Variants in SAMD3 observed in about 807,000 individuals in gnomAD.
The protein encoded by SAMD3 is sterile alpha motif domain-containing protein 3.
In SAMD3, 63 loss-of-function variants were observed where a neutral mutation model predicts 58.5. That is an observed-to-expected ratio of 1.08 (90% CI 0.88 to 1.33). The LOEUF (loss-of-function observed/expected upper bound fraction) is 1.33, where lower values mean the gene tolerates loss of function less well. Ranked by LOEUF, SAMD3 falls within the 40% of genes most tolerant of loss-of-function variation. SAMD3 has a pLI of 0.00. For missense variants in SAMD3, 604 were observed against 608.4 expected, an observed-to-expected ratio of 0.99 and a Z score of 0.08; for synonymous variants, 220 against 210.3, an observed-to-expected ratio of 1.05 and a Z score of -0.40.
chr6:130,290,345 T>A (rs1583057208), intron 2 of SAMD3, among the ~76,000 whole-genome samples: 1 of 152,228 alleles, frequency 6.6e-6, no homozygotes, highest in Non-Finnish European at 1.5e-5. Context: ...TATGTTACAC[T>A]CTTGAGTTAG....
intron 1 of SAMD3, among the ~76,000 whole-genome samples, chr6:130,322,664 T>A (rs139225270): frequency 6.6e-6 from 1 of 152,020 alleles, no homozygotes; most frequent in Non-Finnish European, 1.5e-5. Flanking sequence ...CCAAAGCAAA[T>A]GGTTCAATGG....
chr6:130,280,776 T>C (rs1774954351), intron 2 of SAMD3, among the ~76,000 whole-genome samples: 1 of 152,212 alleles, frequency 6.6e-6, no homozygotes, highest in Admixed American at 6.5e-5. Flanking sequence ...GCCTTCCCTC[T>C]TTATTTTCAT....
intron 2 of SAMD3, among the ~76,000 whole-genome samples, chr6:130,259,861 A>G (rs568887131): frequency 1.6e-4 from 24 of 152,300 alleles, no homozygotes; most frequent in African/African-American, 5.5e-4. Context: ...CATTAACTTA[A>G]TCCACTGAAA....
intron 3 of SAMD3, 133 bp downstream of exon 3, chr6:130,215,062 T>C (rs1795911349): frequency 2.0e-6 from 1 of 504,554 alleles, no homozygotes; most frequent in African/African-American, 2.0e-5. Context: ...TGAAAAGTTC[T>C]CTACTGCAGC....
intron 1 of SAMD3, among the ~76,000 whole-genome samples, chr6:130,361,409 A>C (rs994104613): frequency 6.6e-6 from 1 of 152,184 alleles, no homozygotes; most frequent in Admixed American, 6.5e-5. Context: ...AGCACGATTT[A>C]AACTGCATTA....
chr6:130,281,604 T>C (rs1774984011), intron 2 of SAMD3, among the ~76,000 whole-genome samples: 1 of 152,064 alleles, frequency 6.6e-6, no homozygotes. Flanking sequence ...GGATAAAATA[T>C]AAGCTTCTTA....
chr6:130,214,859 T>C (rs1165348457), intron 3 of SAMD3, among the ~76,000 whole-genome samples: 1 of 152,204 alleles, frequency 6.6e-6, no homozygotes, highest in Non-Finnish European at 1.5e-5. Flanking sequence ...TCCTAGCCAG[T>C]ATTCAACTTT....
chr6:130,300,400 A>T (rs1271339623), intron 2 of SAMD3, among the ~76,000 whole-genome samples: 2 of 152,152 alleles, frequency 1.3e-5, no homozygotes, highest in Non-Finnish European at 2.9e-5. Context: ...TGATAAAAAA[A>T]TCCAATGTCT....
In SAMD3 at chr6:130,184,177, T is replaced by A. The variant is rs1401277284; in HGVS notation, c.580A>T (p.Thr194Ser). The A allele has an allele frequency of 1.2e-6, 2 of 1,609,702 alleles. No homozygotes were observed. The highest frequency in any genetic ancestry group is 1.7e-6 in the Non-Finnish European group (2 of 1,177,202). ...TTAACCACGTCATTGTACTGCTGGG[T>A]GCTGGGGTACCTGTTCACCAAAACA... ...KYLEGSLYPS[T>S]QQYNDVVNAL... Residue 194 changes from threonine to serine, a missense_variant, in exon 7 of 12, where the codon ACC becomes TCC. Transcript: ENST00000439090.
intron 1 of SAMD3, among the ~76,000 whole-genome samples, chr6:130,316,772 A>T (rs953693909): frequency 6.6e-6 from 1 of 152,184 alleles, no homozygotes; most frequent in African/African-American, 2.4e-5. Flanking sequence ...TCATAATGGG[A>T]TCAAATAAAA....
At chr6:130,212,780 T>A (rs1020312229) in intron 4 of SAMD3, among the ~76,000 whole-genome samples, 6 of 152,172 alleles carry the variant, frequency 3.9e-5, no homozygotes, top group African/African-American at 1.4e-4. Context: ...AATTTCAAGA[T>A]TCCACTCAAT....
intron 1 of SAMD3, among the ~76,000 whole-genome samples, chr6:130,359,983 G>A (rs1053238763): frequency 6.6e-6 from 1 of 152,186 alleles, no homozygotes; most frequent in African/African-American, 2.4e-5. Context: ...CTGTCATTCT[G>A]TGGTTATGTG....
At chr6:130,224,670 G>A (rs1796338249), upstream of SAMD3, among the ~76,000 whole-genome samples, 1 of 151,338 alleles carries the variant, frequency 6.6e-6, no homozygotes, top group Non-Finnish European at 1.5e-5. Context: ...CCAGGCTGGA[G>A]TGTAATGGCA....
At chr6:130,364,294 C>T (rs946955927) in intron 1 of SAMD3, among the ~76,000 whole-genome samples, 14 of 151,928 alleles carry the variant, frequency 9.2e-5, no homozygotes, top group African/African-American at 2.2e-4. Flanking sequence ...TTTTTGAGGA[C>T]GGCTCAGTCA....
chr6:130,183,933 A>T (rs1792658684), intron 7 of SAMD3, among the ~76,000 whole-genome samples, 170 bp downstream of exon 7: 1 of 152,186 alleles, frequency 6.6e-6, no homozygotes, highest in Admixed American at 6.5e-5. Context: ...GATTAAAGAG[A>T]CAAAGAGTCA....
At chr6:130,197,537 A>G (rs920103717) in intron 5 of SAMD3, among the ~76,000 whole-genome samples, 8 of 151,974 alleles carry the variant, frequency 5.3e-5, no homozygotes, top group African/African-American at 1.9e-4. Context: ...CTCTCATTCC[A>G]TTTAGTTTTT....
intron 3 of SAMD3, among the ~76,000 whole-genome samples, chr6:130,214,825 T>C (rs1795892756): frequency 6.6e-6 from 1 of 152,194 alleles, no homozygotes; most frequent in Non-Finnish European, 1.5e-5. Flanking sequence ...AAAAAAAACT[T>C]AGGAAATTAT....
At position 130,204,765 on chromosome 6, in the gene SAMD3, CTTT is replaced by C. The variant is rs112982780; in HGVS notation, c.383+4727_383+4729del. Among the ~76,000 whole-genome samples the C allele has an allele frequency of 4.3e-3, 546 of 126,682 alleles. 4 individuals are homozygous for C. The highest frequency in any genetic ancestry group is 5.9e-3 in the Non-Finnish European group (358 of 60,668). The allele number at this position is 126,682 out of a possible 152,430, so 83.1% of individuals were successfully genotyped here. On this transcript the variant is annotated intron_variant, in intron 5 of 11. Coordinates refer to ENST00000439090, the MANE Select transcript of SAMD3 (RefSeq NM_001017373.4). ...GCCAGAGTCAGGTGAATTTCCAGGC[CTTT>C]TTTTTTTTTTTTTTGTCAGCACACA...
At chr6:130,232,903 C>A (rs995135178) in intron 2 of SAMD3, among the ~76,000 whole-genome samples, 4 of 152,006 alleles carry the variant, frequency 2.6e-5, no homozygotes, top group Non-Finnish European at 5.9e-5. Flanking sequence ...AAGGAATTGG[C>A]CAGTAGGAAG....
Sources: allele counts gnomAD v4.1 joint callset (sites outside exome capture counted in the v4.1 genomes callset), GRCh38; gene constraint gnomAD v4.1.1; transcripts MANE v1.5; gene names NCBI Gene and HGNC (gene_info 2026-07-23, HGNC 2026-07-21).